Variants in PRKN observed in about 807,000 individuals in gnomAD.
The protein encoded by PRKN is E3 ubiquitin-protein ligase parkin.
A neutral mutation model predicts 59.5 loss-of-function variants in PRKN; 56 were observed. The observed-to-expected ratio is 0.94, with a 90% CI of 0.76 to 1.18. PRKN has a LOEUF of 1.18. Among genes scored for constraint, PRKN ranks in the 50% most tolerant of loss-of-function variants. The probability of loss-of-function intolerance (pLI) is 0.00; values close to 1 mark genes in which losing one functional copy is unlikely to be tolerated. For missense variants in PRKN, 657 were observed against 596.4 expected (o/e 1.10, Z -1.06); for synonymous variants, 250 against 222.1 (o/e 1.13, Z -1.12).
intron 1 of PRKN, among the ~76,000 whole-genome samples, chr6:162,474,489 G>A (rs1583635085): frequency 1.3e-5 from 2 of 152,258 alleles, no homozygotes; most frequent in East Asian, 1.9e-4. Context: ...CAAGCCTACA[G>A]TATAAATTTA....
chr6:161,523,406 T>C (rs1778908915), intron 9 of PRKN, among the ~76,000 whole-genome samples: 1 of 152,200 alleles, frequency 6.6e-6, no homozygotes, highest in Non-Finnish European at 1.5e-5. Flanking sequence ...AAAATACAAA[T>C]GTATCTCCTG....
chr6:161,895,488 TC>T (rs1777579636), intron 6 of PRKN, among the ~76,000 whole-genome samples: 1 of 142,936 alleles, frequency 7.0e-6, no homozygotes, highest in African/African-American at 3.0e-5. Context: ...CTTCTGAGAT[TC>T]AGGAGTACGC....
chr6:162,300,472 C>T (rs1781894803), intron 2 of PRKN, among the ~76,000 whole-genome samples: 1 of 151,986 alleles, frequency 6.6e-6, no homozygotes, highest in African/African-American at 2.4e-5. Flanking sequence ...TTAATGGAGA[C>T]TGAAGAATGT....
At chr6:162,010,097 C>G (rs9458432) in intron 5 of PRKN, among the ~76,000 whole-genome samples, 118,507 of 149,340 alleles carry the variant, frequency 0.79, 47,905 homozygotes, top group African/African-American at 0.95. Flanking sequence ...GAAATGGGAA[C>G]AATGTCTCTT....
Position 161,549,426 on chromosome 6 carries a change from C to T in PRKN, c.934-423G>A, listed in dbSNP as rs991767988. Among the ~76,000 whole-genome samples the T allele has an allele frequency of 2.0e-5, 3 of 152,050 alleles. No homozygotes were observed. The highest frequency in any genetic ancestry group is 1.9e-4 in the East Asian group (1 of 5,192). The stretch of plus-strand genomic sequence containing the variant: ...TCTTATAAAGCAATATATTGTCATG[C>T]CTCTATTTAAAATTCAACAAGGTTT... On this transcript the variant is annotated intron_variant, in intron 8 of 11. Coordinates refer to ENST00000366898, the MANE Select transcript of PRKN (RefSeq NM_004562.3). This position sits in a 1 kb window ranked among gnomAD's most constrained non-coding sequence, Gnocchi z 6.0.
In PRKN at chr6:161,874,248, A is replaced by T. The variant is rs1443171437; in HGVS notation, c.735-88340T>A. ...TATTATATATAATATATAATATATA[A>T]TATATATTATATGTAAAATATATAA... On this transcript the variant is annotated intron_variant, in intron 6 of 11. Transcript: ENST00000366898. 1.8e-3 allele frequency among the ~76,000 whole-genome samples: 18 copies of T among 10,094 alleles called. No homozygotes were observed. The South Asian group carries it at 0.034, about 19-fold the overall frequency. The allele number at this position is 10,094 out of a possible 152,430, so 6.6% of individuals were successfully genotyped here. A position where few individuals can be genotyped will look rare whatever the true frequency, so the allele number is the denominator to read the frequency against.
intron 9 of PRKN, among the ~76,000 whole-genome samples, chr6:161,432,846 C>A (rs1388768806): frequency 6.6e-6 from 1 of 152,044 alleles, no homozygotes; most frequent in Non-Finnish European, 1.5e-5. Flanking sequence ...TTGAAAATAA[C>A]AATATTTAAT....
intron 2 of PRKN, among the ~76,000 whole-genome samples, chr6:162,283,309 G>A (rs1781005897): frequency 6.6e-6 from 1 of 152,168 alleles, no homozygotes; most frequent in Non-Finnish European, 1.5e-5. Flanking sequence ...TAAGATTTGT[G>A]TCCATTTTTG....
chr6:161,606,366 A>G lies in PRKN; in HGVS notation c.872-36950T>C, dbSNP rs568169003. Among the ~76,000 whole-genome samples the G allele has an allele frequency of 3.9e-5, 6 of 152,310 alleles. No homozygotes were observed. The South Asian group carries it at 1.2e-3, about 32-fold the overall frequency. On this transcript the variant is annotated intron_variant, in intron 7 of 11. Transcript: ENST00000366898. ...GGTGACTACCTAGATGTGGTAAAAG[A>G]AGGAGTCTGGGATGACTTCAGGGTT...
chr6:162,564,019 C>G (rs1369774794), intron 1 of PRKN, among the ~76,000 whole-genome samples: 1 of 151,252 alleles, frequency 6.6e-6, no homozygotes, highest in Non-Finnish European at 1.5e-5. Context: ...GCCTTGCCTA[C>G]AGGATCTATA....
At chr6:161,437,311 G>A (rs1248864077) in intron 9 of PRKN, among the ~76,000 whole-genome samples, 1 of 152,170 alleles carries the variant, frequency 6.6e-6, no homozygotes, top group East Asian at 1.9e-4. Context: ...GGCGCGTGGT[G>A]TCTACAGCGT....
chr6:161,996,420 T>C (rs752801583), intron 5 of PRKN, among the ~76,000 whole-genome samples: 14 of 152,272 alleles, frequency 9.2e-5, no homozygotes, highest in African/African-American at 1.7e-4. Flanking sequence ...TCTACATACT[T>C]TACTTTAAAC....
At chr6:162,443,623 C>T in intron 1 of PRKN, 150 bp from the exon 2 acceptor site, 1 of 753,262 alleles carries the variant, frequency 1.3e-6, no homozygotes, top group Non-Finnish European at 2.3e-6. Flanking sequence ...AAACTTAATG[C>T]TATAGAGCAA....
At position 161,766,886 on chromosome 6, in the gene PRKN, T is replaced by C. The variant is rs73783397; in HGVS notation, c.871+18886A>G. Among the ~76,000 whole-genome samples the C allele has an allele frequency of 1.9e-3, 295 of 152,304 alleles. 1 individual carries two copies. The highest frequency in any genetic ancestry group is 6.6e-3 in the African/African-American group (276 of 41,562). ...AAAGGTGGAGAGGGAAAATGAACTT[T>C]ACAGTCAGGCAGACCTATGTTTACA... On this transcript the variant is annotated intron_variant, in intron 7 of 11. Coordinates refer to ENST00000366898, the MANE Select transcript of PRKN (RefSeq NM_004562.3).
intron 1 of PRKN, among the ~76,000 whole-genome samples, chr6:162,538,086 A>C (rs757404628): frequency 6.6e-5 from 10 of 152,238 alleles, no homozygotes; most frequent in Non-Finnish European, 1.5e-4. Context: ...ATATAATTTC[A>C]AAAGTCAAAG....
chr6:162,074,797 A>G (rs1778749904), intron 4 of PRKN, among the ~76,000 whole-genome samples: 1 of 152,162 alleles, frequency 6.6e-6, no homozygotes, highest in South Asian at 2.1e-4. Context: ...TGAAATGCCA[A>G]CAACGCGTTT....
chr6:162,263,572 T>C (rs1159461693), intron 2 of PRKN, among the ~76,000 whole-genome samples: 2 of 152,114 alleles, frequency 1.3e-5, no homozygotes, highest in Non-Finnish European at 2.9e-5. Context: ...CAGAAGACTT[T>C]AACATTTTGT....
At chr6:161,375,233 C>T (rs989328460) in intron 10 of PRKN, among the ~76,000 whole-genome samples, 1 of 152,184 alleles carries the variant, frequency 6.6e-6, no homozygotes, top group Non-Finnish European at 1.5e-5. Context: ...GGAAGCTGCA[C>T]CCCAGGGAAG....
rs562362828 is a variant in PRKN, at chr6:161,360,150, T to C, written c.1223A>G (p.Lys408Arg). The C allele has an allele frequency of 1.2e-6, 2 of 1,614,206 alleles. No individual in the cohort carries two copies. Among genetic ancestry groups the C allele is most frequent in the East Asian group, 4.5e-5 (2 of 44,866 alleles). ...CTTGGTGGTTTTCTTGATGGTTTCT[T>C]TGGAGGCTGCTTCCCAACGAGCCTG... ...AEQARWEAAS[K>R]ETIKKTTKPC... Residue 408 changes from lysine to arginine, a missense_variant, in exon 11 of 12, where the codon AAA becomes AGA. Transcript: ENST00000366898. The surrounding 1 kb of genome is among the most constrained non-coding windows in gnomAD (Gnocchi z 5.1).
Sources: gnomAD v4.1 joint callset for allele counts (sites outside exome capture counted in the v4.1 genomes callset) on GRCh38, gnomAD v4.1.1 for gene constraint, Gnocchi (gnomAD v3.1) non-coding constraint, MANE v1.5 for transcripts, NCBI Gene and HGNC (gene_info 2026-07-23, HGNC 2026-07-21) for gene names.